The following MPRIP variants were observed in gnomAD, a reference collection of about 807,000 sequenced individuals.
MPRIP encodes the protein myosin phosphatase Rho interacting protein.
In MPRIP, 59 loss-of-function variants were observed where a neutral mutation model predicts 234.9. The ratio of observed to expected loss-of-function variants is 0.25; its 90% CI spans 0.20 to 0.31. MPRIP has a LOEUF of 0.31. MPRIP is among the 10% of genes least tolerant of loss of function. MPRIP has a pLI of 1.00. For synonymous variants in MPRIP, 1,144 were observed against 1,263.9 expected, an observed-to-expected ratio of 0.91 and a Z score of 2.01; for missense variants, 2,436 against 3,071.0, an observed-to-expected ratio of 0.79 and a Z score of 4.89.
intron 1 of MPRIP, among the ~76,000 whole-genome samples, chr17:17,072,852 G>T (rs1272833782): frequency 6.6e-6 from 1 of 152,084 alleles, no homozygotes; most frequent in South Asian, 2.1e-4. Flanking sequence ...CTGCGCCCCT[G>T]CCCAGAGAGT....
chr17:17,071,346 C>T (rs960702720), intron 1 of MPRIP, among the ~76,000 whole-genome samples: 23 of 152,186 alleles, frequency 1.5e-4, no homozygotes, highest in African/African-American at 4.8e-4. Context: ...TGCCCATTGG[C>T]GTTTTCAGGT....
At position 17,187,487 on chromosome 17, in the gene MPRIP, C is replaced by T. The variant is rs1404492856; in HGVS notation, c.*2593C>T. 1 of 152,258 alleles carries T rather than the reference C, an allele frequency of 6.6e-6. No homozygotes were observed. The highest frequency in any genetic ancestry group is 2.4e-5 in the African/African-American group (1 of 41,458). The allele number at this position is 152,258 out of a possible 1,614,324, so 9.4% of individuals were successfully genotyped here. A position where few individuals can be genotyped will look rare whatever the true frequency, so the allele number is the denominator to read the frequency against. On this transcript the variant is annotated 3_prime_UTR_variant, in exon 24 of 24. Transcript: ENST00000651222. ...TCTGGGTCAAGGAAGTCTGGGTTCC[C>T]TGCTGGTGGGCTCCATCCTGCGATG...
intron 3 of MPRIP, among the ~76,000 whole-genome samples, chr17:17,095,480 G>C (rs566081527): frequency 3.3e-5 from 5 of 152,172 alleles, no homozygotes; most frequent in Non-Finnish European, 7.4e-5. Context: ...TCTTGGGCTT[G>C]TTGGTTTCCC....
intron 21 of MPRIP, 140 bp downstream of exon 21, chr17:17,176,652 AGCCCTCTTAAAAGACCAGCCTGCAGGCAG>A: frequency 1.5e-6 from 1 of 687,954 alleles, no homozygotes; most frequent in Non-Finnish European, 2.5e-6. Context: ...TCCAAAATCA[AGCCCTCTTAAAAGACCAGCCTGCAGGCAG>A]GTGCTGTGGG....
chr17:17,156,022 T>G (rs552781499), intron 13 of MPRIP, among the ~76,000 whole-genome samples: 320 of 152,348 alleles, frequency 2.1e-3, no homozygotes, highest in Non-Finnish European at 3.1e-3. Context: ...AGACAGAGCT[T>G]ATCACGGGGG....
intron 3 of MPRIP, among the ~76,000 whole-genome samples, chr17:17,112,046 G>C (rs1477089335): frequency 6.6e-6 from 1 of 152,140 alleles, no homozygotes; most frequent in African/African-American, 2.4e-5. Flanking sequence ...TAATATTTAC[G>C]AGGTGTGCGG....
At chr17:17,106,799 G>T (rs1012798054) in intron 3 of MPRIP, among the ~76,000 whole-genome samples, 4 of 152,296 alleles carry the variant, frequency 2.6e-5, no homozygotes, top group African/African-American at 9.6e-5. Context: ...GGTAGGAGTG[G>T]CAGGCTAGAA....
intron 23 of MPRIP, among the ~76,000 whole-genome samples, chr17:17,184,280 A>T (rs2046430330): frequency 6.6e-6 from 1 of 152,206 alleles, no homozygotes; most frequent in Non-Finnish European, 1.5e-5. Context: ...TAACACTCAC[A>T]GGCCTCTGAT....
At chr17:17,098,262 C>T (rs899121200) in intron 3 of MPRIP, among the ~76,000 whole-genome samples, 1 of 152,200 alleles carries the variant, frequency 6.6e-6, no homozygotes, top group Non-Finnish European at 1.5e-5. Context: ...CCTGCCCACT[C>T]CACCTCCAAG....
intron 3 of MPRIP, among the ~76,000 whole-genome samples, chr17:17,112,767 G>A (rs1037476549): frequency 2.6e-5 from 4 of 152,244 alleles, no homozygotes; most frequent in South Asian, 2.1e-4. Flanking sequence ...GTGTTTCAGC[G>A]CAGCCGGTGG....
At chr17:17,112,177 G>A (rs2090185745) in intron 3 of MPRIP, among the ~76,000 whole-genome samples, 1 of 152,170 alleles carries the variant, frequency 6.6e-6, no homozygotes, top group African/African-American at 2.4e-5. Context: ...CTGTGTGAAA[G>A]GCCTGGGTAA....
intron 14 of MPRIP, 41 bp from the exon 15 acceptor site, chr17:17,161,199 A>G: frequency 6.9e-7 from 1 of 1,451,848 alleles, no homozygotes; most frequent in Non-Finnish European, 9.6e-7. Context: ...TTTGTTTATC[A>G]TTGTCATTTT....
At chr17:17,043,484 A>G (rs373984083) in intron 1 of MPRIP, among the ~76,000 whole-genome samples, 1 of 152,278 alleles carries the variant, frequency 6.6e-6, no homozygotes, top group Non-Finnish European at 1.5e-5. Context: ...TCTTGAACTT[A>G]GTTTGGCAGG....
At position 17,177,295 on chromosome 17, in the gene MPRIP, C is replaced by T; in HGVS notation, c.7003C>T (p.Leu2335Phe). The stretch of plus-strand genomic sequence containing the variant: ...CAAGTACAAAGACATCTACACAGAG[C>T]TCAGCATCGCGAAGGCTAAGGCTGA... ...SDKYKDIYTE[L>F]SIAKAKADCD... Residue 2335 changes from leucine to phenylalanine, a missense_variant, in exon 22 of 24, where the codon CTC becomes TTC. Physicochemically the swap from Leu to Phe is conservative, Grantham distance 22 (BLOSUM62 0). Around this residue, in one of 4 missense-constraint regions of MPRIP, gnomAD observed 1,998 missense variants for 2,520.3 expected, o/e 0.79. Coordinates refer to ENST00000651222, the MANE Select transcript of MPRIP (RefSeq NM_001364716.4). The T allele has an allele frequency of 1.9e-6, 3 of 1,614,040 alleles. No homozygotes were observed. The highest frequency in any genetic ancestry group is 1.7e-6 in the Non-Finnish European group (2 of 1,180,018).
chr17:17,153,765 A>G (rs550088687), intron 12 of MPRIP, among the ~76,000 whole-genome samples: 31 of 152,158 alleles, frequency 2.0e-4, no homozygotes, highest in Admixed American at 1.7e-3. Flanking sequence ...GTAACCACCC[A>G]GCAGGTCTCC....
chr17:17,046,190 A>G (rs567011220), intron 1 of MPRIP, among the ~76,000 whole-genome samples: 1 of 152,330 alleles, frequency 6.6e-6, no homozygotes, highest in Non-Finnish European at 1.5e-5. Context: ...TTATCAGCAT[A>G]TCTTTACGTT....
chr17:17,177,679 T>C (rs1361323618), intron 22 of MPRIP, among the ~76,000 whole-genome samples: 2 of 152,186 alleles, frequency 1.3e-5, no homozygotes, highest in African/African-American at 4.8e-5. Context: ...ACAAGTCTTA[T>C]TTTTCTAAAG....
At chr17:17,142,222 C>A in intron 7 of MPRIP, 1 of 167,462 alleles carries the variant, frequency 6.0e-6, no homozygotes, top group South Asian at 1.6e-4. Flanking sequence ...GGGCCTCTTC[C>A]TTGCTAAATT....
At chr17:17,108,153 T>C (rs994225046) in intron 3 of MPRIP, among the ~76,000 whole-genome samples, 3 of 152,236 alleles carry the variant, frequency 2.0e-5, no homozygotes, top group African/African-American at 7.2e-5. Flanking sequence ...TGGCATGGCC[T>C]TTCAGGGTAC....
Sources: allele counts gnomAD v4.1 joint callset (sites outside exome capture counted in the v4.1 genomes callset), GRCh38; gene constraint gnomAD v4.1.1; regional missense constraint gnomAD v4.1.1; transcripts MANE v1.5; gene names NCBI Gene and HGNC (gene_info 2026-07-23, HGNC 2026-07-21).